The following QTGAL variants were observed in gnomAD, a reference collection of about 807,000 sequenced individuals.
The protein encoded by QTGAL is queuosine-tRNA galactosyltransferase.
chr17:82,959,370 CGT>C, the QTGAL span, among the ~76,000 whole-genome samples: 5,466 of 149,042 alleles, frequency 0.037, 261 homozygotes, highest in Admixed American at 0.11. Flanking sequence ...CACGTGAGTG[CGT>C]GTGTGCAGTG....
At chr17:82,999,669 T>C in the QTGAL span, among the ~76,000 whole-genome samples, 9 of 152,190 alleles carry the variant, frequency 5.9e-5, no homozygotes, top group African/African-American at 2.2e-4. Flanking sequence ...AAAATACATT[T>C]ATGGTACTGT....
At chr17:83,014,650 G>T in the QTGAL span, 1 of 968,302 alleles carries the variant, frequency 1.0e-6, no homozygotes, top group Non-Finnish European at 1.6e-6. Flanking sequence ...CAAACTCCCG[G>T]CTTCAACTGA....
chr17:82,993,977 C>T, the QTGAL span, among the ~76,000 whole-genome samples: 1 of 152,002 alleles, frequency 6.6e-6, no homozygotes, highest in African/African-American at 2.4e-5. Flanking sequence ...GGAAACACAA[C>T]ATACCAAAAC....
the QTGAL span, chr17:83,048,646 C>A: frequency 6.2e-7 from 1 of 1,608,592 alleles, no homozygotes; most frequent in South Asian, 1.1e-5. Context: ...GGCTGAGTCA[C>A]CCGACAGGAA....
At chr17:83,005,142 C>G in the QTGAL span, 2 of 1,609,246 alleles carry the variant, frequency 1.2e-6, no homozygotes, top group Admixed American at 1.7e-5. This position sits in a 1 kb window ranked among gnomAD's most constrained non-coding sequence, Gnocchi z 5.6. Context: ...CCGGCGTCAG[C>G]TGGTTGATCC....
At chr17:83,038,410 G>A in the QTGAL span, among the ~76,000 whole-genome samples, 1 of 152,134 alleles carries the variant, frequency 6.6e-6, no homozygotes, top group Non-Finnish European at 1.5e-5. Context: ...TCAAGTTAGA[G>A]CTAATCTATA....
chr17:83,001,337 C>T, the QTGAL span, among the ~76,000 whole-genome samples: 9 of 152,050 alleles, frequency 5.9e-5, no homozygotes, highest in Admixed American at 3.9e-4. Flanking sequence ...AAAAGGAAGA[C>T]GGAGGAATCT....
the QTGAL span, chr17:82,942,283 G>C: frequency 5.3e-6 from 5 of 940,160 alleles, no homozygotes; most frequent in Non-Finnish European, 8.0e-6. Context: ...ATGAGCACCT[G>C]TCAGCCACAT....
At chr17:83,044,548 T>C in the QTGAL span, among the ~76,000 whole-genome samples, 4 of 152,244 alleles carry the variant, frequency 2.6e-5, no homozygotes, top group Non-Finnish European at 4.4e-5. Context: ...GGTGAAAGAC[T>C]GAAAGCTTTT....
chr17:83,011,186 C>T, the QTGAL span, among the ~76,000 whole-genome samples: 5 of 152,308 alleles, frequency 3.3e-5, no homozygotes, highest in Admixed American at 6.5e-5. Flanking sequence ...AAGGGTCAGC[C>T]GGGGCGAGAG....
chr17:82,972,497 A>AC, the QTGAL span, among the ~76,000 whole-genome samples: 16 of 89,084 alleles, frequency 1.8e-4, no homozygotes, highest in African/African-American at 6.0e-4. Context: ...CCTGGTGCCG[A>AC]CACACCACAC....
the QTGAL span, among the ~76,000 whole-genome samples, chr17:82,946,550 T>C: frequency 2.2e-5 from 2 of 90,134 alleles, no homozygotes; most frequent in African/African-American, 7.8e-5. Context: ...CTTGACCCAA[T>C]GGACAGTTAC....
At chr17:83,022,472 G>C in the QTGAL span, among the ~76,000 whole-genome samples, 697 of 17,808 alleles carry the variant, frequency 0.039, 47 homozygotes, top group Middle Eastern at 0.062. Context: ...ACTGTCCCCG[G>C]CCCACCTGCA....
chr17:83,019,854 C>A, the QTGAL span, among the ~76,000 whole-genome samples: 2 of 152,134 alleles, frequency 1.3e-5, no homozygotes, highest in African/African-American at 4.8e-5. Context: ...CTGCCTCAAC[C>A]TCCCGAGTAG....
chr17:82,975,540 G>A, the QTGAL span, among the ~76,000 whole-genome samples: 1 of 5,102 alleles, frequency 2.0e-4, no homozygotes, highest in Non-Finnish European at 3.5e-4. Flanking sequence ...TCAGGGCCCC[G>A]GGACAGAGCC....
the QTGAL span, chr17:83,005,041 C>A: frequency 7.9e-7 from 1 of 1,264,734 alleles, no homozygotes; most frequent in Admixed American, 2.2e-5. This position sits in a 1 kb window ranked among gnomAD's most constrained non-coding sequence, Gnocchi z 5.6. Context: ...CACAAGAGGC[C>A]ACAGCATAAT....
the QTGAL span, among the ~76,000 whole-genome samples, chr17:82,951,917 G>A: frequency 4.6e-5 from 7 of 152,054 alleles, no homozygotes; most frequent in Middle Eastern, 3.4e-3. Context: ...ACAGGTCACC[G>A]TAACACATAC....
the QTGAL span, among the ~76,000 whole-genome samples, chr17:83,049,595 G>A: frequency 1.3e-5 from 2 of 151,812 alleles, no homozygotes; most frequent in South Asian, 4.2e-4. Context: ...AAGCATTTCG[G>A]CAAACCATGT....
At chr17:82,974,137 T>TGCC in the QTGAL span, among the ~76,000 whole-genome samples, 1 of 152,212 alleles carries the variant, frequency 6.6e-6, no homozygotes, top group South Asian at 2.1e-4. Context: ...TCTGAGCCGG[T>TGCC]TCCAGGCTGT....
Sources: gnomAD v4.1 joint callset for allele counts (sites outside exome capture counted in the v4.1 genomes callset) on GRCh38, gnomAD v4.1.1 for gene constraint, Gnocchi (gnomAD v3.1) non-coding constraint, MANE v1.5 for transcripts, NCBI Gene and HGNC (gene_info 2026-07-23, HGNC 2026-07-21) for gene names.